ST6GALNAC1: variants seen among roughly 807,000 people sequenced by gnomAD.
The protein encoded by ST6GALNAC1 is ST6 N-acetylgalactosaminide alpha-2,6-sialyltransferase 1.
A neutral mutation model predicts 56.8 loss-of-function variants in ST6GALNAC1; 45 were observed. The observed-to-expected ratio is 0.79, with a 90% CI of 0.62 to 1.02. ST6GALNAC1 has a LOEUF of 1.02. ST6GALNAC1 is among the 50% of genes least tolerant of loss of function. The pLI, the probability that ST6GALNAC1 is intolerant of heterozygous loss-of-function variation, is 0.00. For synonymous variants in ST6GALNAC1, 295 were observed against 297.8 expected (o/e 0.99, Z 0.10); for missense variants, 743 against 754.8 (o/e 0.98, Z 0.18).
chr17:76,636,420 G>C (rs1322486582), intron 1 of ST6GALNAC1, among the ~76,000 whole-genome samples: 1 of 152,078 alleles, frequency 6.6e-6, no homozygotes, highest in Non-Finnish European at 1.5e-5. Flanking sequence ...GGAGGGATCT[G>C]TGAGTTCCAA....
chr17:76,626,220 C>G, intron 6 of ST6GALNAC1, 69 bp downstream of exon 6: 1 of 1,575,448 alleles, frequency 6.3e-7, no homozygotes, highest in Non-Finnish European at 8.7e-7. Flanking sequence ...CCCACCTGTC[C>G]AACCCTTTAG....
intron 1 of ST6GALNAC1, among the ~76,000 whole-genome samples, chr17:76,634,358 A>C (rs2075946998): frequency 6.6e-6 from 1 of 152,040 alleles, no homozygotes; most frequent in African/African-American, 2.4e-5. Flanking sequence ...ACAAACTAAC[A>C]CTTCGCTCTG....
intron 8 of ST6GALNAC1, 132 bp downstream of exon 8, chr17:76,625,687 C>T (rs542319284): frequency 2.9e-4 from 326 of 1,121,672 alleles, no homozygotes; most frequent in Admixed American, 7.7e-4. Context: ...CTGCATGCAC[C>T]CATACTCATG....
At chr17:76,621,388 G>A (rs1178045819), downstream of ST6GALNAC1, among the ~76,000 whole-genome samples, 1 of 151,442 alleles carries the variant, frequency 6.6e-6, no homozygotes, top group Non-Finnish European at 1.5e-5. Context: ...TCACCATGCT[G>A]GCCAGAATGG....
At chr17:76,624,363 T>A (rs1005583884), downstream of ST6GALNAC1, among the ~76,000 whole-genome samples, 1 of 152,022 alleles carries the variant, frequency 6.6e-6, no homozygotes, top group South Asian at 2.1e-4. Flanking sequence ...GATTCTCCTG[T>A]CTCAGCCTCC....
chr17:76,634,155 C>A (rs1223547715), intron 1 of ST6GALNAC1, among the ~76,000 whole-genome samples: 1 of 152,168 alleles, frequency 6.6e-6, no homozygotes, highest in Non-Finnish European at 1.5e-5. Context: ...AGGTGAGTTG[C>A]GCCTGGTATG....
At chr17:76,625,686 C>T (rs2075786967) in intron 8 of ST6GALNAC1, 133 bp downstream of exon 8, 2 of 1,122,984 alleles carry the variant, frequency 1.8e-6, no homozygotes, top group East Asian at 2.6e-5. Flanking sequence ...ACTGCATGCA[C>T]CCATACTCAT....
In ST6GALNAC1 at chr17:76,627,131, T is replaced by G. The variant is rs1321175864; in HGVS notation, c.1108A>C (p.Asn370His). ...LRCITCAVVG[N>H]GGILNNSHMG... The stretch of plus-strand genomic sequence containing the variant: ...TGGGAGTTGTTCAGGATGCCCCCGT[T>G]GCCCACCACGGCACAGGTGATGCAC... The change falls in exon 4 of 9, where the codon AAC (asparagine) becomes CAC (histidine). Residue 370 changes from asparagine to histidine, a missense_variant. Asn to His is a moderately conservative substitution (Grantham distance 68). Coordinates refer to ENST00000156626, the MANE Select transcript of ST6GALNAC1 (RefSeq NM_018414.5). The surrounding 1 kb of genome is among the most constrained non-coding windows in gnomAD (Gnocchi z 4.4). The G allele has an allele frequency of 1.2e-5, 19 of 1,600,194 alleles. No individual in the cohort carries two copies. The highest frequency in any genetic ancestry group is 1.6e-5 in the Non-Finnish European group (19 of 1,172,922).
At chr17:76,637,850 G>A (rs1367168241) in intron 1 of ST6GALNAC1, 1 of 394,046 alleles carries the variant, frequency 2.5e-6, no homozygotes, top group Admixed American at 4.4e-5. Flanking sequence ...TTTCTTTTTG[G>A]ACACAGAGTC....
intron 1 of ST6GALNAC1, among the ~76,000 whole-genome samples, chr17:76,635,485 C>G (rs1383476784): frequency 1.3e-5 from 2 of 152,100 alleles, no homozygotes; most frequent in Admixed American, 6.6e-5. Context: ...ACTAAAAATA[C>G]AAACGGCTGG....
intron 1 of ST6GALNAC1, among the ~76,000 whole-genome samples, chr17:76,637,272 T>TAAAAA (rs771644279): frequency 2.7e-4 from 5 of 18,188 alleles, no homozygotes; most frequent in Non-Finnish European, 4.6e-4. Context: ...CAATAAATAC[T>TAAAAA]AAAAAAAAAA....
intron 1 of ST6GALNAC1, 93 bp downstream of exon 1, chr17:76,643,415 G>A (rs554050471): frequency 7.2e-7 from 1 of 1,396,172 alleles, no homozygotes; most frequent in South Asian, 1.3e-5. Flanking sequence ...GGACACACAG[G>A]TGGCTCAGAC....
At chr17:76,617,593 G>C in the ST6GALNAC1 span, among the ~76,000 whole-genome samples, 1 of 152,034 alleles carries the variant, frequency 6.6e-6, no homozygotes, top group African/African-American at 2.4e-5. Flanking sequence ...AATATAGTGA[G>C]AGCCTGTCTC....
intron 1 of ST6GALNAC1, among the ~76,000 whole-genome samples, chr17:76,635,782 C>T (rs1004139448): frequency 6.6e-6 from 1 of 152,118 alleles, no homozygotes; most frequent in Admixed American, 6.5e-5. Context: ...GAGGTATCTG[C>T]TAGAGATTAA....
In ST6GALNAC1 at chr17:76,629,842, G is replaced by T. The variant is rs557365083; in HGVS notation, c.132-131C>A. On this transcript the variant is annotated intron_variant, in intron 1 of 8. Coordinates refer to ENST00000156626, the MANE Select transcript of ST6GALNAC1 (RefSeq NM_018414.5). Reference sequence around the variant, plus strand: ...CTGTCACCCAGGCTGGAGTGCAGTGGTACGATTTCAGCTCACTGCAACCTC... The same window carrying T: ...CTGTCACCCAGGCTGGAGTGCAGTGTTACGATTTCAGCTCACTGCAACCTC... 2.6e-5 allele frequency: 18 copies of T among 688,644 alleles called. 1 individual carries two copies. In the South Asian group the frequency reaches 3.6e-4, roughly 14 times the overall value. The allele number at this position is 688,644 out of a possible 1,614,324, so 42.7% of individuals were successfully genotyped here.
At chr17:76,628,891 G>C in intron 2 of ST6GALNAC1, 121 bp downstream of exon 2, 1 of 911,562 alleles carries the variant, frequency 1.1e-6, no homozygotes. Context: ...TGAGCTTGGG[G>C]CAGGACAAGA....
intron 1 of ST6GALNAC1, among the ~76,000 whole-genome samples, chr17:76,640,309 A>G (rs893984467): frequency 6.6e-6 from 1 of 152,122 alleles, no homozygotes; most frequent in East Asian, 1.9e-4. Flanking sequence ...TCCCAGGTAC[A>G]TTACATCGTG....
intron 1 of ST6GALNAC1, among the ~76,000 whole-genome samples, chr17:76,630,750 C>CTT (rs764956961): frequency 7.0e-6 from 1 of 142,312 alleles, no homozygotes. Context: ...ACGCCTGGCT[C>CTT]TTTTTTTTTT....
At position 76,624,895 on chromosome 17, in the gene ST6GALNAC1, C is replaced by T. The variant is rs962575987; in HGVS notation, c.*435G>A. The T allele has an allele frequency of 2.0e-5, 4 of 198,306 alleles. No individual in the cohort carries two copies. Among genetic ancestry groups the T allele is most frequent in the African/African-American group, 9.5e-5 (4 of 42,288 alleles). 12.3% of individuals were successfully genotyped at this position (198,306 alleles called of 1,614,324 possible). The stretch of plus-strand genomic sequence containing the variant: ...TATAGACCCTTCTAGAATCAGATAA[C>T]TCCTAGAAAGGTCTTCTAGACAATC... On this transcript the variant is annotated 3_prime_UTR_variant, in exon 9 of 9. Coordinates refer to ENST00000156626, the MANE Select transcript of ST6GALNAC1 (RefSeq NM_018414.5).
Sources: gnomAD v4.1 joint callset for allele counts (sites outside exome capture counted in the v4.1 genomes callset) on GRCh38, gnomAD v4.1.1 for gene constraint, Gnocchi (gnomAD v3.1) non-coding constraint, MANE v1.5 for transcripts, NCBI Gene and HGNC (gene_info 2026-07-23, HGNC 2026-07-21) for gene names.